TUBA1C: variants seen among roughly 807,000 people sequenced by gnomAD.
TUBA1C encodes tubulin alpha 1c.
In TUBA1C, 16 loss-of-function variants were observed where a neutral mutation model predicts 34.9. The observed-to-expected ratio is 0.46, with a 90% CI of 0.31 to 0.70. TUBA1C has a LOEUF of 0.70. TUBA1C is among the 30% of genes least tolerant of loss of function. The pLI is 0.05. For synonymous variants in TUBA1C, 177 were observed against 215.9 expected (o/e 0.82, Z 1.58); for missense variants, 329 against 587.3 (o/e 0.56, Z 4.55).
chr12:49,270,181 C>A, intron 3 of TUBA1C: 3 of 1,112,978 alleles, frequency 2.7e-6, no homozygotes, highest in East Asian at 2.6e-5. Flanking sequence ...GCTCTTTAGC[C>A]TATTTTGCTT....
At chr12:49,243,764 G>A (rs1031310600) in intron 1 of TUBA1C, among the ~76,000 whole-genome samples, 14 of 151,566 alleles carry the variant, frequency 9.2e-5, no homozygotes, top group African/African-American at 3.4e-4. Flanking sequence ...TCAGCTCATT[G>A]CAAACCATTC....
chr12:49,249,147 G>T (rs569483022), intron 1 of TUBA1C, among the ~76,000 whole-genome samples: 36 of 152,080 alleles, frequency 2.4e-4, no homozygotes, highest in Non-Finnish European at 4.9e-4. Context: ...TAAAAAGAAG[G>T]CCGGGCGCGG....
At chr12:49,265,048 G>T, upstream of TUBA1C, 2 of 1,250,760 alleles carry the variant, frequency 1.6e-6, no homozygotes, top group Non-Finnish European at 2.1e-6. Context: ...CGGGGACCGG[G>T]TATATAAGGC....
chr12:49,265,148 C>A lies in TUBA1C; in HGVS notation c.-34C>A. On this transcript the variant is annotated 5_prime_UTR_variant, in exon 1 of 4. Coordinates refer to ENST00000301072, the MANE Select transcript of TUBA1C (RefSeq NM_032704.5). The stretch of plus-strand genomic sequence containing the variant: ...GATCCTTGTTGCCGTCCCTTCGCCT[C>A]CTTCACCGCCGCAGACCCCTTCAAG... The A allele has an allele frequency of 6.3e-7, 1 of 1,598,542 alleles. No homozygotes were observed. The highest frequency in any genetic ancestry group is 8.6e-7 in the Non-Finnish European group (1 of 1,169,464).
intron 1 of TUBA1C, among the ~76,000 whole-genome samples, chr12:49,250,480 C>T (rs890667427): frequency 2.2e-4 from 32 of 145,750 alleles, no homozygotes; most frequent in Admixed American, 7.7e-4. Flanking sequence ...GCCGAGATCG[C>T]GCCACTGCAC....
chr12:49,264,910 C>T (rs896348326), upstream of TUBA1C: 24 of 247,674 alleles, frequency 9.7e-5, no homozygotes, highest in East Asian at 2.3e-4. Flanking sequence ...TTGGTTTGAA[C>T]TTTTGAATCC....
chr12:49,257,590 GGACAACAGCAA>G (rs1234329281), intron 1 of TUBA1C, among the ~76,000 whole-genome samples: 1 of 151,756 alleles, frequency 6.6e-6, no homozygotes, highest in African/African-American at 2.4e-5. Context: ...GAGACAGTCT[GGACAACAGCAA>G]GACCCTCTCG....
chr12:49,260,695 T>TA (rs1424517656), upstream of TUBA1C, among the ~76,000 whole-genome samples: 2 of 152,178 alleles, frequency 1.3e-5, no homozygotes, highest in African/African-American at 2.4e-5. Context: ...ATACAAGGCA[T>TA]AAAAAAGGAG....
intron 1 of TUBA1C, among the ~76,000 whole-genome samples, chr12:49,258,675 G>C (rs910315592): frequency 1.3e-5 from 2 of 151,524 alleles, no homozygotes; most frequent in Admixed American, 1.3e-4. Flanking sequence ...TGATCAGCCC[G>C]CCTTGGCCTC....
intron 1 of TUBA1C, among the ~76,000 whole-genome samples, chr12:49,254,345 T>C (rs970976268): frequency 1.3e-5 from 2 of 151,628 alleles, no homozygotes; most frequent in African/African-American, 2.4e-5. Context: ...CCGAGTGTCG[T>C]GGTGCACGCC....
At chr12:49,239,795 A>G (rs1486696760) in intron 1 of TUBA1C, among the ~76,000 whole-genome samples, 2 of 152,104 alleles carry the variant, frequency 1.3e-5, no homozygotes, top group Non-Finnish European at 2.9e-5. Context: ...GTATTTCTAA[A>G]TAAATAAATA....
chr12:49,266,799 A>G (rs1942920371), intron 1 of TUBA1C, among the ~76,000 whole-genome samples: 1 of 152,244 alleles, frequency 6.6e-6, no homozygotes, highest in South Asian at 2.1e-4. Context: ...CAGTGAGCCC[A>G]GATCGCACCA....
At chr12:49,270,065 T>A (rs1942971106) in intron 3 of TUBA1C, 89 bp downstream of exon 3, 5 of 1,610,308 alleles carry the variant, frequency 3.1e-6, no homozygotes, top group African/African-American at 1.3e-5. Flanking sequence ...GCAACTAAAA[T>A]GAGACTATTT....
intron 1 of TUBA1C, among the ~76,000 whole-genome samples, chr12:49,230,691 G>A (rs557899595): frequency 3.9e-5 from 6 of 152,204 alleles, no homozygotes; most frequent in African/African-American, 7.2e-5. Context: ...ATTTGAGCTC[G>A]TTTGCTCTGA....
At chr12:49,239,394 A>T (rs1446192799) in intron 1 of TUBA1C, among the ~76,000 whole-genome samples, 1 of 152,108 alleles carries the variant, frequency 6.6e-6, no homozygotes, top group Non-Finnish European at 1.5e-5. Context: ...TAATCCCAGC[A>T]CTTTGGGAGG....
At chr12:49,267,390 G>A (rs1942928775) in intron 1 of TUBA1C, among the ~76,000 whole-genome samples, 1 of 152,148 alleles carries the variant, frequency 6.6e-6, no homozygotes, top group South Asian at 2.1e-4. Flanking sequence ...CGGGCGTGGT[G>A]GCTCCCGCCT....
At chr12:49,236,002 A>G (rs1942551552) in intron 1 of TUBA1C, among the ~76,000 whole-genome samples, 1 of 152,208 alleles carries the variant, frequency 6.6e-6, no homozygotes. Context: ...GCTTATTCTG[A>G]ATGCTTCTGA....
intron 1 of TUBA1C, among the ~76,000 whole-genome samples, chr12:49,251,193 G>GT (rs1942728887): frequency 6.6e-6 from 1 of 152,148 alleles, no homozygotes; most frequent in African/African-American, 2.4e-5. Flanking sequence ...GGGCAACAGA[G>GT]TGAGACCCTG....
chr12:49,269,420 A>C, intron 1 of TUBA1C, 45 bp from the exon 2 acceptor site: 1 of 1,612,446 alleles, frequency 6.2e-7, no homozygotes. Context: ...TAAATGTCCC[A>C]TCTGATGTAT....
Sources: allele counts gnomAD v4.1 joint callset (sites outside exome capture counted in the v4.1 genomes callset), GRCh38; gene constraint gnomAD v4.1.1; transcripts MANE v1.5; gene names NCBI Gene and HGNC (gene_info 2026-07-23, HGNC 2026-07-21).